Variants in RSPH14 observed in about 807,000 individuals in gnomAD.
The protein encoded by RSPH14 is rhabdoid tumor deletion region gene 1.
Under a neutral mutation model 26.7 loss-of-function variants are expected in RSPH14, and 20 were observed. The observed-to-expected ratio is 0.75, with a 90% CI of 0.53 to 1.09. The LOEUF is 1.09. Among genes scored for constraint, RSPH14 ranks in the 50% least tolerant of loss-of-function variants. The pLI is 0.00. For missense variants in RSPH14, 449 were observed against 457.2 expected (o/e 0.98, Z 0.16); for synonymous variants, 177 against 189.3 (o/e 0.93, Z 0.53).
chr22:23,145,970 G>A (rs1023180177), upstream of RSPH14: 107 of 985,230 alleles, frequency 1.1e-4, no homozygotes, highest in Non-Finnish European at 1.2e-4. Flanking sequence ...CTGGGAGCAG[G>A]AGACCCCTCC....
intron 4 of RSPH14, among the ~76,000 whole-genome samples, chr22:23,103,860 T>A (rs1012822483): frequency 7.9e-5 from 12 of 152,048 alleles, no homozygotes; most frequent in African/African-American, 2.7e-4. Context: ...TAGCCAGGGC[T>A]GGCCTCAGGC....
At chr22:23,165,523 C>T in the RSPH14 span, among the ~76,000 whole-genome samples, 1 of 152,248 alleles carries the variant, frequency 6.6e-6, no homozygotes, top group Non-Finnish European at 1.5e-5. Context: ...GGGAAGGACA[C>T]TTCATGCCAG....
chr22:23,160,914 G>A, the RSPH14 span: 36 of 1,613,878 alleles, frequency 2.2e-5, no homozygotes, highest in Admixed American at 1.3e-4. Flanking sequence ...CCGCGTAGCC[G>A]CCCTGGCATT....
intron 3 of RSPH14, 102 bp downstream of exon 3, chr22:23,138,738 G>A (rs62220914): frequency 0.087 from 83,207 of 951,016 alleles, 9,384 homozygotes; most frequent in East Asian, 0.56. Flanking sequence ...AAACTGATGC[G>A]GCAGACAACA....
the RSPH14 span, chr22:23,153,075 T>C: frequency 3.7e-6 from 6 of 1,614,096 alleles, no homozygotes; most frequent in South Asian, 1.1e-5. Context: ...AGGCCACCAT[T>C]GGGGTGGACT....
intron 3 of RSPH14, chr22:23,135,917 C>G (rs1005709368): frequency 6.5e-6 from 1 of 152,872 alleles, no homozygotes; most frequent in South Asian, 2.1e-4. Flanking sequence ...GTGCAAACCC[C>G]TCAGCCAAGT....
chr22:23,178,113 T>A, the RSPH14 span, among the ~76,000 whole-genome samples: 208 of 152,056 alleles, frequency 1.4e-3, 2 homozygotes, highest in African/African-American at 4.7e-3. Flanking sequence ...ATCATACCCA[T>A]TTTAAAGAAG....
chr22:23,141,986 CCACTGGCCAACCTATT>C (rs1259275060), exon 1 of RSPH14: 1 of 985,524 alleles, frequency 1.0e-6, no homozygotes, highest in Non-Finnish European at 1.2e-6. Context: ...GTAGCCCGCG[CCACTGGCCAACCTATT>C]CAGTTGCCAG....
At chr22:23,142,110 C>A (rs953814088), upstream of RSPH14, 4 of 866,954 alleles carry the variant, frequency 4.6e-6, no homozygotes, top group Non-Finnish European at 5.5e-6. Flanking sequence ...AGGCTGCGGC[C>A]GGCTGCAAAG....
chr22:23,140,450 T>C lies in RSPH14; in HGVS notation c.-30A>G. ...CCCCAACTACAGAGGCCTTTCCAAA[T>C]GAAGCTCTGCAGAAACCACTCACTA... On this transcript the variant is annotated 5_prime_UTR_variant, in exon 2 of 7. Coordinates refer to ENST00000216036, the MANE Select transcript of RSPH14 (RefSeq NM_014433.3). 6.2e-7 allele frequency: 1 copy of C among 1,611,108 alleles called. No homozygotes were observed. Among genetic ancestry groups the C allele is most frequent in the Non-Finnish European group, 8.5e-7 (1 of 1,178,578 alleles).
chr22:23,133,076 G>T (rs995120969), intron 4 of RSPH14: 1 of 152,080 alleles, frequency 6.6e-6, no homozygotes, highest in Non-Finnish European at 1.5e-5. Context: ...ATCTTACCCA[G>T]GCCAGCCATT....
At chr22:23,075,665 C>A in intron 4 of RSPH14, among the ~76,000 whole-genome samples, 1 of 152,228 alleles carries the variant, frequency 6.6e-6, no homozygotes, top group Admixed American at 6.5e-5. Flanking sequence ...GGGCCTTACA[C>A]ATAGTGTCAA....
At chr22:23,143,063 C>G (rs2070627929), upstream of RSPH14, among the ~76,000 whole-genome samples, 1 of 152,126 alleles carries the variant, frequency 6.6e-6, no homozygotes, top group African/African-American at 2.4e-5. Flanking sequence ...TATGGGCCAT[C>G]CCAAAATATG....
intron 4 of RSPH14, among the ~76,000 whole-genome samples, chr22:23,086,017 G>A (rs1004218485): frequency 1.3e-5 from 2 of 152,220 alleles, no homozygotes; most frequent in Non-Finnish European, 1.5e-5. Flanking sequence ...GCAGGGTCCC[G>A]CCCCTGGCTA....
intron 4 of RSPH14, among the ~76,000 whole-genome samples, chr22:23,099,396 G>T (rs530871900): frequency 1.3e-5 from 2 of 152,270 alleles, no homozygotes; most frequent in African/African-American, 2.4e-5. Context: ...AGTCCTGCAG[G>T]TGTGTCAGGC....
chr22:23,069,290 T>A (rs2068282220), intron 4 of RSPH14, among the ~76,000 whole-genome samples: 1 of 152,130 alleles, frequency 6.6e-6, no homozygotes, highest in Admixed American at 6.5e-5. Context: ...TGTGAGGTGA[T>A]AAGGAACGCG....
intron 4 of RSPH14, among the ~76,000 whole-genome samples, chr22:23,130,834 G>GAA (rs747501352): frequency 1.4e-4 from 21 of 152,242 alleles, no homozygotes; most frequent in Non-Finnish European, 2.6e-4. Context: ...ATATCACAGT[G>GAA]AAACACCATA....
At chr22:23,141,140 C>A (rs1371784378) in intron 1 of RSPH14, among the ~76,000 whole-genome samples, 4 of 152,116 alleles carry the variant, frequency 2.6e-5, no homozygotes, top group Non-Finnish European at 4.4e-5. Flanking sequence ...ACCATCCTGG[C>A]CAACATGGTG....
In RSPH14 at chr22:23,064,128, G is replaced by C; in HGVS notation, c.427C>G (p.Gln143Glu). The C allele has an allele frequency of 4.3e-6, 7 of 1,614,056 alleles. No homozygotes were observed. Among genetic ancestry groups the C allele is most frequent in the Non-Finnish European group, 5.1e-6 (6 of 1,179,992 alleles). Residue 143 changes from glutamine (Q) to glutamate (E), a missense_variant, in exon 5 of 7, where the codon CAA becomes GAA. Gln to Glu is a conservative substitution (Grantham distance 29, BLOSUM62 2). Transcript: ENST00000216036. ...MQLVQVPRGA[Q>E]EIISKGLISS... Reference sequence around the variant, plus strand: ...ATCAGACCTTTGCTGATGATCTCTTGGGCCCCTACAAGGCAGGAAAGGGCA... The same window carrying C: ...ATCAGACCTTTGCTGATGATCTCTTCGGCCCCTACAAGGCAGGAAAGGGCA...
Sources: allele counts gnomAD v4.1 joint callset (sites outside exome capture counted in the v4.1 genomes callset), GRCh38; gene constraint gnomAD v4.1.1; transcripts MANE v1.5; gene names NCBI Gene and HGNC (gene_info 2026-07-23, HGNC 2026-07-21).